CHRM3: variants seen among roughly 807,000 people sequenced by gnomAD.
The protein encoded by CHRM3 is cholinergic receptor muscarinic 3.
A neutral mutation model predicts 41.8 loss-of-function variants in CHRM3; 11 were observed. The observed-to-expected ratio is 0.26, with a 90% confidence interval of 0.17 to 0.44. The LOEUF (loss-of-function observed/expected upper bound fraction) is 0.44. CHRM3 is among the 20% of genes least tolerant of loss of function. The pLI is 1.00. For missense variants in CHRM3, 571 were observed against 745.4 expected, an observed-to-expected ratio of 0.77 and a Z score of 2.72; for synonymous variants, 297 against 301.4, an observed-to-expected ratio of 0.99 and a Z score of 0.15.
chr1:239,401,473 A>G (rs1440865050), intron 1 of CHRM3, among the ~76,000 whole-genome samples: 1 of 151,740 alleles, frequency 6.6e-6, no homozygotes, highest in Non-Finnish European at 1.5e-5. Flanking sequence ...TCCTGATCCC[A>G]AAATTCTTCT....
At chr1:239,832,278 A>G (rs1672957494) in intron 6 of CHRM3, among the ~76,000 whole-genome samples, 1 of 152,200 alleles carries the variant, frequency 6.6e-6, no homozygotes, top group Non-Finnish European at 1.5e-5. Flanking sequence ...AAGCTGAGAA[A>G]AAAAAACAAC....
chr1:239,432,087 G>A (rs1662879683), intron 1 of CHRM3, among the ~76,000 whole-genome samples: 1 of 152,060 alleles, frequency 6.6e-6, no homozygotes, highest in Non-Finnish European at 1.5e-5. Flanking sequence ...GATGGATCAC[G>A]CCAAAATGGT....
intron 1 of CHRM3, among the ~76,000 whole-genome samples, chr1:239,469,628 CT>C (rs1665973164): frequency 6.6e-6 from 1 of 152,116 alleles, no homozygotes; most frequent in Non-Finnish European, 1.5e-5. Context: ...ACAGTCTCGG[CT>C]CACTGCAACC....
chr1:239,410,628 A>G (rs1346751946), intron 1 of CHRM3, among the ~76,000 whole-genome samples: 3 of 152,144 alleles, frequency 2.0e-5, no homozygotes, highest in Non-Finnish European at 4.4e-5. Context: ...TACCTCCCGT[A>G]TGGATTCCTC....
chr1:239,657,467 G>A lies in CHRM3; in HGVS notation c.-249-20719G>A, dbSNP rs1418869813. On this transcript the variant is annotated intron_variant, in intron 4 of 6. Transcript: ENST00000676153. ...AGTACTCTGCCAAAATTTTTCCCCT[G>A]CAGAGCCTGGCATTATGAAGTTGAG... 2.0e-5 allele frequency among the ~76,000 whole-genome samples: 3 copies of A among 152,144 alleles called. No homozygotes were observed. The East Asian group carries it at 5.8e-4, about 29-fold the overall frequency.
In CHRM3 at chr1:239,480,543, A is replaced by ATT. The variant is rs745979239; in HGVS notation, c.-520-12139_-520-12138dup. Among the ~76,000 whole-genome samples, 176 of 110,700 alleles carry ATT rather than the reference A, an allele frequency of 1.6e-3. 7 individuals carry two copies. The highest frequency in any genetic ancestry group is 2.8e-3 in the African/African-American group (69 of 24,742). 72.6% of individuals were successfully genotyped at this position (110,700 alleles called of 152,430 possible). On this transcript the variant is annotated intron_variant, in intron 1 of 6. Transcript: ENST00000676153. Reference sequence around the variant, plus strand: ...ACTCAGGTAATCCTACGATAGCCCAATTTTTTTTTTTTTTTTTTTTTTTTT... The same window carrying ATT: ...ACTCAGGTAATCCTACGATAGCCCAATTTTTTTTTTTTTTTTTTTTTTTTTTT...
intron 5 of CHRM3, among the ~76,000 whole-genome samples, chr1:239,724,593 A>G (rs1349800073): frequency 6.6e-6 from 1 of 151,964 alleles, no homozygotes; most frequent in African/African-American, 2.4e-5. Flanking sequence ...TGTCTGATAC[A>G]TACAGCACAC....
rs571697624 is a variant in CHRM3 at position 239,766,878 on chromosome 1, A to G, written c.-146-60374A>G. On this transcript the variant is annotated intron_variant, in intron 5 of 6. Transcript: ENST00000676153. ...AGGCACACGCCACCATGCCTGGCTA[A>G]TTTTTGTATTTTTAGTAGAGACAGG... Among the ~76,000 whole-genome samples, 17 of 151,988 alleles carry G rather than the reference A, an allele frequency of 1.1e-4. No homozygotes were observed. The East Asian group carries it at 3.3e-3, about 29-fold the overall frequency.
intron 2 of CHRM3, among the ~76,000 whole-genome samples, chr1:239,523,815 A>T (rs1379612621): frequency 2.0e-5 from 3 of 152,232 alleles, no homozygotes; most frequent in Non-Finnish European, 4.4e-5. Flanking sequence ...TGATGGCATC[A>T]AGTAAAACGT....
Position 239,614,829 on chromosome 1 carries a change from AG to A in CHRM3, c.-312-17393del, listed in dbSNP as rs1270601425. Among the ~76,000 whole-genome samples, 5 of 152,322 alleles carry A rather than the reference AG, an allele frequency of 3.3e-5. No homozygotes were observed. The East Asian group carries it at 9.6e-4, about 29-fold the overall frequency. ...AACAGTGTGCTTTAATTTACACAAA[AG>A]GTGGGAATGATTTTATGGATTGCAG... On this transcript the variant is annotated intron_variant, in intron 3 of 6. Coordinates refer to ENST00000676153, the MANE Select transcript of CHRM3 (RefSeq NM_001375978.1).
intron 5 of CHRM3, among the ~76,000 whole-genome samples, chr1:239,784,335 TCA>T (rs1668729821): frequency 1.3e-5 from 2 of 152,200 alleles, no homozygotes. Context: ...TTTTCTACTT[TCA>T]GTCATTTTAA....
chr1:239,401,522 G>A (rs1659972980), intron 1 of CHRM3, among the ~76,000 whole-genome samples: 1 of 150,412 alleles, frequency 6.6e-6, no homozygotes, highest in Non-Finnish European at 1.5e-5. Context: ...TTGAGATGGA[G>A]TCTCTGTTGC....
chr1:239,689,413 A>G (rs772557927), intron 5 of CHRM3, among the ~76,000 whole-genome samples: 1 of 152,194 alleles, frequency 6.6e-6, no homozygotes, highest in Non-Finnish European at 1.5e-5. Flanking sequence ...TTGCTTACAT[A>G]AAGGAATGAA....
intron 3 of CHRM3, among the ~76,000 whole-genome samples, chr1:239,602,125 T>TAC (rs1553337672): frequency 9.7e-5 from 14 of 144,004 alleles, no homozygotes; most frequent in Middle Eastern, 3.6e-3. Context: ...TATATATATA[T>TAC]ATATATATAT....
chr1:239,468,519 T>C (rs1164552967), intron 1 of CHRM3, among the ~76,000 whole-genome samples: 1 of 152,210 alleles, frequency 6.6e-6, no homozygotes, highest in African/African-American at 2.4e-5. Context: ...CCTATATGAA[T>C]GAAATTTGCT....
chr1:239,800,408 A>G lies in CHRM3; in HGVS notation c.-146-26844A>G, dbSNP rs116505362. Among the ~76,000 whole-genome samples the G allele has an allele frequency of 7.1e-3, 1,081 of 152,336 alleles. 10 individuals carry two copies. The highest frequency in any genetic ancestry group is 0.025 in the African/African-American group (1,030 of 41,580). ...TTAAATAGCACAGTGCCAGGCTCCC[A>G]TTAGCTGCTCAGTTAAGTGTCTGCT... On this transcript the variant is annotated intron_variant, in intron 5 of 6. Coordinates refer to ENST00000676153, the MANE Select transcript of CHRM3 (RefSeq NM_001375978.1).
intron 5 of CHRM3, among the ~76,000 whole-genome samples, chr1:239,791,339 A>G (rs918566968): frequency 6.6e-6 from 1 of 152,170 alleles, no homozygotes; most frequent in Non-Finnish European, 1.5e-5. Flanking sequence ...TCCTGGCTTC[A>G]AGCAATCCAA....
At chr1:239,890,070 T>G (rs1678418932) in intron 6 of CHRM3, among the ~76,000 whole-genome samples, 1 of 152,102 alleles carries the variant, frequency 6.6e-6, no homozygotes, top group Admixed American at 6.6e-5. Flanking sequence ...ATCCCAGCAC[T>G]TTGGGAGGCC....
chr1:239,526,812 C>T (rs1007191690), intron 2 of CHRM3, among the ~76,000 whole-genome samples: 1 of 152,066 alleles, frequency 6.6e-6, no homozygotes, highest in Non-Finnish European at 1.5e-5. Flanking sequence ...TCATTGCAAC[C>T]TTTTTCCATC....
Sources: allele counts gnomAD v4.1 joint callset (sites outside exome capture counted in the v4.1 genomes callset), GRCh38; gene constraint gnomAD v4.1.1; transcripts MANE v1.5; gene names NCBI Gene and HGNC (gene_info 2026-07-23, HGNC 2026-07-21).